ZNF462: variants seen among roughly 807,000 people sequenced by gnomAD.
ZNF462 encodes zinc finger PBX1-interacting protein.
Under a neutral mutation model 201.9 loss-of-function variants are expected in ZNF462, and 10 were observed. That is an observed-to-expected ratio of 0.05 (90% CI 0.03 to 0.08). The LOEUF is 0.08. ZNF462 is among the 10% of genes least tolerant of loss of function. ZNF462 has a pLI of 1.00. For missense variants in ZNF462, 2,523 were observed against 3,168.3 expected, an observed-to-expected ratio of 0.80 and a Z score of 4.89; for synonymous variants, 1,227 against 1,193.3, an observed-to-expected ratio of 1.03 and a Z score of -0.58.
chr9:106,918,216 G>A (rs189195659), intron 1 of ZNF462, among the ~76,000 whole-genome samples: 6 of 152,224 alleles, frequency 3.9e-5, no homozygotes, highest in Admixed American at 1.3e-4. Context: ...AGATAGTACC[G>A]ATGTCATTTG....
At position 106,920,220 on chromosome 9, in the gene ZNF462, A is replaced by G. The variant is rs10978672; in HGVS notation, c.-30-3134A>G. Among the ~76,000 whole-genome samples, 19,665 of 151,490 alleles carry G rather than the reference A, an allele frequency of 0.13. 1,318 individuals are homozygous for G. The highest frequency in any genetic ancestry group is 0.19 in the South Asian group (903 of 4,794). The stretch of plus-strand genomic sequence containing the variant: ...AAAAACATATGAATGGGTCATCGTC[A>G]TGTCCAGTGTGTTTTTGTCTCTGTC... On this transcript the variant is annotated intron_variant, in intron 1 of 12. Coordinates refer to ENST00000277225, the MANE Select transcript of ZNF462 (RefSeq NM_021224.6). The surrounding 1 kb of genome is among the most constrained non-coding windows in gnomAD (Gnocchi z 4.3).
intron 7 of ZNF462, among the ~76,000 whole-genome samples, chr9:106,957,266 A>C (rs192632172): frequency 6.8e-4 from 103 of 152,200 alleles, no homozygotes; most frequent in African/African-American, 2.4e-3. Context: ...GGGAGGTCCA[A>C]GGAGAGGGAA....
At chr9:106,914,021 G>A (rs1829662649) in intron 1 of ZNF462, among the ~76,000 whole-genome samples, 3 of 120,704 alleles carry the variant, frequency 2.5e-5, no homozygotes, top group African/African-American at 3.5e-5. Context: ...ACATGCCTTC[G>A]CCTAGGATTT....
intron 10 of ZNF462, among the ~76,000 whole-genome samples, chr9:106,999,502 C>T (rs770504758): frequency 6.6e-5 from 10 of 152,044 alleles, no homozygotes; most frequent in South Asian, 4.1e-4. Flanking sequence ...TAAATTCATA[C>T]GGGAATGAAT....
rs999131058 is a variant in ZNF462, at chr9:106,880,164, ATT to A, written c.-31+16812_-31+16813del. Among the ~76,000 whole-genome samples, 4 of 151,890 alleles carry A rather than the reference ATT, an allele frequency of 2.6e-5. No homozygotes were observed. The highest frequency in any genetic ancestry group is 9.7e-5 in the African/African-American group (4 of 41,348). On this transcript the variant is annotated intron_variant, in intron 1 of 12. Transcript: ENST00000277225. The surrounding 1 kb of genome is among the most constrained non-coding windows in gnomAD (Gnocchi z 4.1). ...CAATTTCTGCCGCCCGCTCAGGAGG[ATT>A]TTCACAGCCTCTCTTGAATGAATAC...
intron 1 of ZNF462, among the ~76,000 whole-genome samples, chr9:106,884,321 GAA>G (rs1194546658): frequency 6.6e-6 from 1 of 152,178 alleles, no homozygotes; most frequent in Non-Finnish European, 1.5e-5. Flanking sequence ...GTAGGAAAAG[GAA>G]AAGAGTTGCT....
rs1827544834 is a variant in ZNF462, at chr9:106,982,828, TG to T, written c.6833-1354del. ...GTTGAGACTAAGGCATGACATTGGG[TG>T]GGGAAAATTCCCTAGAGCCTGCACA... On this transcript the variant is annotated intron_variant, in intron 9 of 12. Coordinates refer to ENST00000277225, the MANE Select transcript of ZNF462 (RefSeq NM_021224.6). Among the ~76,000 whole-genome samples, 4 of 151,860 alleles carry T rather than the reference TG, an allele frequency of 2.6e-5. No homozygotes were observed. In the South Asian group the frequency reaches 8.3e-4, roughly 32 times the overall value.
In ZNF462 at chr9:106,935,189, C is replaced by A. The variant is rs1437629268; in HGVS notation, c.6117-314C>A. Among the ~76,000 whole-genome samples, 2 of 152,158 alleles carry A rather than the reference C, an allele frequency of 1.3e-5. No individual in the cohort carries two copies. The highest frequency in any genetic ancestry group is 1.9e-4 in the East Asian group (1 of 5,186). ...CTTGAATTCACCCATATTGTACCTT[C>A]TCTTTAGATACACTCTTCCAATGAT... is the stretch of plus-strand genomic sequence containing the variant. On this transcript the variant is annotated intron_variant, in intron 5 of 12. Coordinates refer to ENST00000277225, the MANE Select transcript of ZNF462 (RefSeq NM_021224.6). The surrounding 1 kb of genome is among the most constrained non-coding windows in gnomAD (Gnocchi z 4.1).
Position 106,977,473 on chromosome 9 carries a change from G to T in ZNF462, c.6832+3200G>T, listed in dbSNP as rs1827094169. 6.6e-6 allele frequency among the ~76,000 whole-genome samples: 1 copy of T among 151,646 alleles called. No homozygotes were observed. Among genetic ancestry groups the T allele is most frequent in the African/African-American group, 2.4e-5 (1 of 40,930 alleles). ...GTATAAATTGATATATTTAAGTAGAGAGAGAATCTACTTCGCTCATGGGAA... is the reference window on the plus strand; with the variant it reads ...GTATAAATTGATATATTTAAGTAGATAGAGAATCTACTTCGCTCATGGGAA... On this transcript the variant is annotated intron_variant, in intron 9 of 12. Transcript: ENST00000277225. The surrounding 1 kb of genome is among the most constrained non-coding windows in gnomAD (Gnocchi z 4.6).
chr9:106,873,344 C>T (rs567232963), intron 1 of ZNF462, among the ~76,000 whole-genome samples: 1 of 151,452 alleles, frequency 6.6e-6, no homozygotes, highest in South Asian at 2.1e-4. Context: ...AGGAAATAAA[C>T]ATTTTAAAAT....
rs2132044556 is a variant in ZNF462, at chr9:106,972,422, G to A, written c.6695+150G>A. ...GGGGTTGGGTCCAGGCTTCATGGAA[G>A]GAGGGTAGTTTCAGAAGACTGCTTT... On this transcript the variant is annotated intron_variant, in intron 8 of 12. Coordinates refer to ENST00000277225, the MANE Select transcript of ZNF462 (RefSeq NM_021224.6). This position sits in a 1 kb window ranked among gnomAD's most constrained non-coding sequence, Gnocchi z 4.8. The A allele has an allele frequency of 8.9e-7, 1 of 1,129,934 alleles. No homozygotes were observed. Among genetic ancestry groups the A allele is most frequent in the Non-Finnish European group, 1.2e-6 (1 of 809,994 alleles). The allele number at this position is 1,129,934 out of a possible 1,614,324, so 70.0% of individuals were successfully genotyped here.
chr9:106,891,955 G>A (rs1192669927), intron 1 of ZNF462, among the ~76,000 whole-genome samples: 1 of 152,176 alleles, frequency 6.6e-6, no homozygotes, highest in African/African-American at 2.4e-5. Flanking sequence ...TTCCTTTCAG[G>A]AGGATTGGGG....
chr9:106,954,619 A>T lies in ZNF462; in HGVS notation c.6427+15512A>T, dbSNP rs749232209. Reference sequence around the variant, plus strand: ...ATATTCTAGCCTAACTGGAATGAGCATCTCTCTCCTCATCCTTTTGCCTTT... The same window carrying T: ...ATATTCTAGCCTAACTGGAATGAGCTTCTCTCTCCTCATCCTTTTGCCTTT... On this transcript the variant is annotated intron_variant, in intron 7 of 12. Coordinates refer to ENST00000277225, the MANE Select transcript of ZNF462 (RefSeq NM_021224.6). This position sits in a 1 kb window ranked among gnomAD's most constrained non-coding sequence, Gnocchi z 4.0. Among the ~76,000 whole-genome samples, 4 of 151,650 alleles carry T rather than the reference A, an allele frequency of 2.6e-5. No individual in the cohort carries two copies. Among genetic ancestry groups the T allele is most frequent in the Admixed American group, 1.3e-4 (2 of 15,220 alleles).
intron 10 of ZNF462, among the ~76,000 whole-genome samples, chr9:106,997,159 T>G (rs1409401090): frequency 3.3e-5 from 5 of 152,086 alleles, no homozygotes; most frequent in Non-Finnish European, 7.4e-5. Flanking sequence ...ATTGTACATA[T>G]GTAAGGTGTA....
chr9:106,914,547 G>C (rs1176914746), intron 1 of ZNF462, among the ~76,000 whole-genome samples: 1 of 152,184 alleles, frequency 6.6e-6, no homozygotes, highest in African/African-American at 2.4e-5. Flanking sequence ...ATCTCTGTTG[G>C]TTGGTTGGAA....
At chr9:106,911,377 T>C (rs1320926230) in intron 1 of ZNF462, among the ~76,000 whole-genome samples, 1 of 152,198 alleles carries the variant, frequency 6.6e-6, no homozygotes, top group Non-Finnish European at 1.5e-5. Context: ...CAAGGAATGC[T>C]CACTGTTCTA....
At chr9:106,868,348 T>A (rs1285048219) in intron 1 of ZNF462, among the ~76,000 whole-genome samples, 1 of 152,156 alleles carries the variant, frequency 6.6e-6, no homozygotes, top group Non-Finnish European at 1.5e-5. Context: ...GCTCTTTTAA[T>A]AGCACAAGTC....
At chr9:106,957,511 T>G (rs1450677345) in intron 7 of ZNF462, among the ~76,000 whole-genome samples, 2 of 152,164 alleles carry the variant, frequency 1.3e-5, no homozygotes, top group Admixed American at 1.3e-4. Flanking sequence ...GTCAATAGAC[T>G]TATTCAAGTT....
Position 106,932,539 on chromosome 9 carries a change from T to C in ZNF462, c.6106T>C (p.Phe2036Leu). 6.2e-7 allele frequency: 1 copy of C among 1,614,194 alleles called. No homozygotes were observed. The highest frequency in any genetic ancestry group is 1.3e-5 in the African/African-American group (1 of 75,044). The change falls in exon 5 of 13, where the codon TTC (phenylalanine) becomes CTC (leucine). Residue 2036 changes from phenylalanine to leucine, a missense_variant. Transcript: ENST00000277225. The surrounding 1 kb of genome is among the most constrained non-coding windows in gnomAD (Gnocchi z 6.8). ...CCAGTATTGCTCGTTTGTTTCTGCT[T>C]TCAGGCACAAGTAAGTGCTATTGGG... Reference protein sequence around the residue: ...SCQYCSFVSAFRHNLDRHMQT... With the variant: ...SCQYCSFVSALRHNLDRHMQT...
Sources: gnomAD v4.1 joint callset for allele counts (sites outside exome capture counted in the v4.1 genomes callset) on GRCh38, gnomAD v4.1.1 for gene constraint, Gnocchi (gnomAD v3.1) non-coding constraint, MANE v1.5 for transcripts, NCBI Gene and HGNC (gene_info 2026-07-23, HGNC 2026-07-21) for gene names.